SMARCAD1: variants seen among roughly 807,000 people sequenced by gnomAD.
The protein encoded by SMARCAD1 is SNF2 related chromatin remodeling ATPase with DExD box 1.
In SMARCAD1, 25 loss-of-function variants were observed where a neutral mutation model predicts 127.1. The observed-to-expected ratio is 0.20, with a 90% CI of 0.14 to 0.27. SMARCAD1 has a LOEUF of 0.27. Among genes scored for constraint, SMARCAD1 ranks in the 10% least tolerant of loss-of-function variants. The pLI is 1.00. For missense variants in SMARCAD1, 807 were observed against 1,206.0 expected, an observed-to-expected ratio of 0.67 and a Z score of 4.90; for synonymous variants, 400 against 396.9, an observed-to-expected ratio of 1.01 and a Z score of -0.09.
intron 2 of SMARCAD1, among the ~76,000 whole-genome samples, chr4:94,224,099 G>T (rs1744628116): frequency 6.6e-6 from 1 of 152,100 alleles, no homozygotes; most frequent in East Asian, 1.9e-4. Flanking sequence ...ATTACTTTGT[G>T]TATGATGATA....
intron 10 of SMARCAD1, 58 bp from the exon 11 acceptor site, chr4:94,270,670 T>A: frequency 6.9e-7 from 1 of 1,455,544 alleles, no homozygotes; most frequent in East Asian, 2.3e-5. Context: ...TTGTAATAAC[T>A]AATAGAAAAC....
At position 94,208,584 on chromosome 4, in the gene SMARCAD1, G is replaced by A. The variant is rs1741642201; in HGVS notation, c.190G>A (p.Glu64Lys). The A allele has an allele frequency of 6.2e-7, 1 of 1,613,500 alleles. No homozygotes were observed. Among genetic ancestry groups the A allele is most frequent in the Admixed American group, 1.7e-5 (1 of 59,992 alleles). ...TPDSDITEKT[E>K]DSSVPETPDN... ...TGATTCAGATATAACTGAAAAAACAGGTGAGTTACAATGTTAAAATTGATG... is the reference window on the plus strand; with the variant it reads ...TGATTCAGATATAACTGAAAAAACAAGTGAGTTACAATGTTAAAATTGATG... Residue 64 changes from glutamate to lysine, a missense_variant and splice_region_variant, in exon 2 of 24, where the codon GAA becomes AAA. By Grantham distance (56) the Glu-to-Lys change is moderately conservative. This residue lies in a region of SMARCAD1 where 175 missense variants were observed against 169.5 expected (regional missense o/e 1.03). Coordinates refer to ENST00000354268, the MANE Select transcript of SMARCAD1 (RefSeq NM_020159.5).
chr4:94,244,357 G>A (rs1398583400), intron 6 of SMARCAD1, among the ~76,000 whole-genome samples: 1 of 152,228 alleles, frequency 6.6e-6, no homozygotes, highest in Non-Finnish European at 1.5e-5. Context: ...AACTATTAGT[G>A]TAGATATGAA....
At chr4:94,216,203 A>G (rs1743147701) in intron 2 of SMARCAD1, among the ~76,000 whole-genome samples, 1 of 152,078 alleles carries the variant, frequency 6.6e-6, no homozygotes, top group Non-Finnish European at 1.5e-5. Flanking sequence ...ATCACCTAAT[A>G]CCCCTTCCTC....
intron 3 of SMARCAD1, 50 bp downstream of exon 3, chr4:94,226,346 A>C (rs756266265): frequency 6.5e-7 from 1 of 1,529,356 alleles, no homozygotes; most frequent in East Asian, 2.3e-5. Flanking sequence ...GAGATTTTCC[A>C]AGAAAAAAAC....
At chr4:94,230,667 A>T (rs866100048) in intron 3 of SMARCAD1, among the ~76,000 whole-genome samples, 5 of 152,168 alleles carry the variant, frequency 3.3e-5, no homozygotes, top group African/African-American at 9.7e-5. Context: ...ACATTGCCAA[A>T]TATCCCCTTG....
At chr4:94,258,665 A>C (rs1447904875) in intron 9 of SMARCAD1, among the ~76,000 whole-genome samples, 1 of 152,200 alleles carries the variant, frequency 6.6e-6, no homozygotes, top group Admixed American at 6.5e-5. Context: ...TAGATGAATA[A>C]CATAGTGAAG....
chr4:94,226,357 C>A, intron 3 of SMARCAD1, 61 bp downstream of exon 3: 1 of 1,421,910 alleles, frequency 7.0e-7, no homozygotes, highest in African/African-American at 1.4e-5. Context: ...AGAAAAAAAC[C>A]TACCTAATTT....
chr4:94,266,756 C>T (rs964896360), intron 10 of SMARCAD1, among the ~76,000 whole-genome samples: 1 of 152,030 alleles, frequency 6.6e-6, no homozygotes, highest in Non-Finnish European at 1.5e-5. Flanking sequence ...AGAACAAGTT[C>T]TTCATGACGA....
intron 9 of SMARCAD1, among the ~76,000 whole-genome samples, chr4:94,255,355 A>G (rs1167491546): frequency 6.6e-6 from 1 of 152,046 alleles, no homozygotes; most frequent in Non-Finnish European, 1.5e-5. Context: ...CATATATACA[A>G]TAGTAATTTT....
chr4:94,240,320 T>A (rs906858753), intron 5 of SMARCAD1, among the ~76,000 whole-genome samples: 2 of 152,250 alleles, frequency 1.3e-5, no homozygotes, highest in Admixed American at 6.5e-5. Flanking sequence ...TATGCAGATT[T>A]CCTGTTACTG....
chr4:94,284,326 CAA>C (rs1161926658), intron 22 of SMARCAD1, among the ~76,000 whole-genome samples: 114 of 25,882 alleles, frequency 4.4e-3, no homozygotes, highest in African/African-American at 0.013. Flanking sequence ...GACTCCGTCT[CAA>C]AAAAAAAAAA....
chr4:94,266,914 C>G (rs1751805895), intron 10 of SMARCAD1, among the ~76,000 whole-genome samples: 3 of 151,966 alleles, frequency 2.0e-5, no homozygotes, highest in Admixed American at 2.0e-4. Flanking sequence ...ACTTCAAAAC[C>G]ATTACTTTCA....
At chr4:94,227,160 A>G (rs1745156836) in intron 3 of SMARCAD1, among the ~76,000 whole-genome samples, 1 of 152,188 alleles carries the variant, frequency 6.6e-6, no homozygotes, top group African/African-American at 2.4e-5. Context: ...GGCATTGGGA[A>G]TATCATGTTC....
rs748616166 is a variant in SMARCAD1, at chr4:94,278,525, A to C, written c.2178+8A>C. The C allele has an allele frequency of 6.2e-7, 1 of 1,609,184 alleles. No individual in the cohort carries two copies. The highest frequency in any genetic ancestry group is 1.1e-5 in the South Asian group (1 of 90,882). On this transcript the variant is annotated splice_region_variant and intron_variant, in intron 17 of 23. Coordinates refer to ENST00000354268, the MANE Select transcript of SMARCAD1 (RefSeq NM_020159.5). ...AGAAGAGTAAAAGAAGAGGTAATGCATATCTACATGTTTTTTATTTTTATT... is the reference window on the plus strand; with the variant it reads ...AGAAGAGTAAAAGAAGAGGTAATGCCTATCTACATGTTTTTTATTTTTATT...
At chr4:94,235,336 A>G (rs938043903) in intron 4 of SMARCAD1, among the ~76,000 whole-genome samples, 2 of 147,976 alleles carry the variant, frequency 1.4e-5, no homozygotes, top group Non-Finnish European at 3.0e-5. Flanking sequence ...CTAGTGGAAA[A>G]GATTCGTCGC....
At chr4:94,211,572 C>T (rs1056421815) in intron 2 of SMARCAD1, among the ~76,000 whole-genome samples, 7 of 152,130 alleles carry the variant, frequency 4.6e-5, no homozygotes, top group Admixed American at 3.9e-4. Context: ...ACTAAGTCAG[C>T]TTACAGGACA....
chr4:94,263,173 A>G (rs1751267684), intron 9 of SMARCAD1, among the ~76,000 whole-genome samples: 1 of 152,120 alleles, frequency 6.6e-6, no homozygotes, highest in South Asian at 2.1e-4. Flanking sequence ...ATGGCACCTA[A>G]TGTATGTTCA....
At chr4:94,250,131 G>C (rs1471664097) in intron 7 of SMARCAD1, among the ~76,000 whole-genome samples, 1 of 151,238 alleles carries the variant, frequency 6.6e-6, no homozygotes, top group Non-Finnish European at 1.5e-5. Flanking sequence ...TTCCATTTCA[G>C]TGTCTTAATA....
Sources: gnomAD v4.1 joint callset for allele counts (sites outside exome capture counted in the v4.1 genomes callset) on GRCh38, gnomAD v4.1.1 for gene constraint, gnomAD v4.1.1 regional missense constraint, MANE v1.5 for transcripts, NCBI Gene and HGNC (gene_info 2026-07-23, HGNC 2026-07-21) for gene names.